PLEKHA5: variants seen among roughly 807,000 people sequenced by gnomAD.
PLEKHA5 encodes pleckstrin homology domain-containing family A member 5.
PLEKHA5 carries 55 observed loss-of-function variants against 181.9 expected under a neutral mutation model. The observed-to-expected ratio is 0.30, with a 90% CI of 0.24 to 0.38. The LOEUF is 0.38. PLEKHA5 is among the 10% of genes least tolerant of loss of function. PLEKHA5 has a pLI of 1.00. For synonymous variants in PLEKHA5, 535 were observed against 529.4 expected (o/e 1.01, Z -0.15); for missense variants, 1,432 against 1,549.5 (o/e 0.92, Z 1.27).
At chr12:19,300,954 G>A (rs1474985738) in intron 15 of PLEKHA5, among the ~76,000 whole-genome samples, 3 of 142,780 alleles carry the variant, frequency 2.1e-5, no homozygotes. Context: ...GACCAACATG[G>A]AGAAACCCCA....
intron 3 of PLEKHA5, among the ~76,000 whole-genome samples, chr12:19,177,662 G>A (rs2047636784): frequency 6.6e-6 from 1 of 152,164 alleles, no homozygotes; most frequent in African/African-American, 2.4e-5. Flanking sequence ...TTGACCTGGA[G>A]CCTGTTTGAA....
At chr12:19,209,472 T>C (rs1471620536) in intron 3 of PLEKHA5, among the ~76,000 whole-genome samples, 1 of 152,164 alleles carries the variant, frequency 6.6e-6, no homozygotes, top group Non-Finnish European at 1.5e-5. Context: ...ATTGATTCAG[T>C]ATACACAAAT....
chr12:19,159,233 A>G (rs1427749169), intron 3 of PLEKHA5, among the ~76,000 whole-genome samples: 2 of 152,194 alleles, frequency 1.3e-5, no homozygotes, highest in African/African-American at 4.8e-5. Flanking sequence ...TCCTAGAAGC[A>G]AACAGCTGTG....
In PLEKHA5 at chr12:19,254,034, A is replaced by T; in HGVS notation, c.311+11A>T. On this transcript the variant is annotated intron_variant, in intron 4 of 31. Transcript: ENST00000429027. ...TGTAGTGAATGAACAGTAAGTAAAG[A>T]GTTTCATGGAATGCCTGTATTCAAA... The T allele has an allele frequency of 1.3e-6, 2 of 1,482,198 alleles. No homozygotes were observed. The highest frequency in any genetic ancestry group is 1.9e-6 in the Non-Finnish European group (2 of 1,073,262). The allele number at this position is 1,482,198 out of a possible 1,614,324, so 91.8% of individuals were successfully genotyped here. A position where few individuals can be genotyped will look rare whatever the true frequency, so the allele number is the denominator to read the frequency against.
At chr12:19,226,362 T>C (rs752870102) in intron 3 of PLEKHA5, among the ~76,000 whole-genome samples, 36 of 152,328 alleles carry the variant, frequency 2.4e-4, no homozygotes, top group Middle Eastern at 6.8e-3. Flanking sequence ...GTGGGTTCTT[T>C]CCACCTTTTG....
chr12:19,264,690 A>T (rs1355042861), intron 7 of PLEKHA5, among the ~76,000 whole-genome samples: 1 of 152,162 alleles, frequency 6.6e-6, no homozygotes. Context: ...GCCTCCATTT[A>T]ATGTAACTTT....
intron 15 of PLEKHA5, among the ~76,000 whole-genome samples, chr12:19,304,287 C>G (rs927132817): frequency 6.6e-6 from 1 of 152,136 alleles, no homozygotes; most frequent in Non-Finnish European, 1.5e-5. Flanking sequence ...CACCTGTAAT[C>G]CCAGCTACTC....
chr12:19,144,377 T>C (rs1263347126), intron 3 of PLEKHA5, among the ~76,000 whole-genome samples: 1 of 152,206 alleles, frequency 6.6e-6, no homozygotes, highest in East Asian at 1.9e-4. Context: ...GCGTCTCTCC[T>C]CGTGGCCTCT....
At chr12:19,223,280 C>A (rs945642454) in intron 3 of PLEKHA5, among the ~76,000 whole-genome samples, 2 of 152,010 alleles carry the variant, frequency 1.3e-5, no homozygotes, top group African/African-American at 4.8e-5. Flanking sequence ...ATCATAAAAT[C>A]CATCAGATAT....
intron 15 of PLEKHA5, among the ~76,000 whole-genome samples, chr12:19,312,881 A>T (rs979568700): frequency 6.6e-6 from 1 of 152,158 alleles, no homozygotes; most frequent in African/African-American, 2.4e-5. Flanking sequence ...TGCCTTCCTC[A>T]CTAACCTTAA....
chr12:19,281,811 T>C (rs746439500), intron 11 of PLEKHA5, among the ~76,000 whole-genome samples: 1 of 151,918 alleles, frequency 6.6e-6, no homozygotes, highest in Admixed American at 6.6e-5. Flanking sequence ...AGATGGAGTC[T>C]CACTCTGTCG....
intron 30 of PLEKHA5, among the ~76,000 whole-genome samples, chr12:19,367,614 C>G (rs1317203743): frequency 6.6e-6 from 1 of 151,532 alleles, no homozygotes; most frequent in Non-Finnish European, 1.5e-5. Context: ...GAGTCTTGCT[C>G]TGTTGCCCAG....
intron 8 of PLEKHA5, among the ~76,000 whole-genome samples, chr12:19,267,389 G>T (rs568333117): frequency 2.0e-5 from 3 of 152,294 alleles, no homozygotes; most frequent in African/African-American, 7.2e-5. Context: ...CGGGCACAGG[G>T]GCTCATGCCT....
chr12:19,369,974 C>G (rs1446731817), intron 31 of PLEKHA5, among the ~76,000 whole-genome samples, 176 bp downstream of exon 31: 1 of 152,222 alleles, frequency 6.6e-6, no homozygotes, highest in Non-Finnish European at 1.5e-5. Flanking sequence ...ACATTGGCTC[C>G]TCTGATGATT....
chr12:19,277,217 T>C (rs928318061), intron 11 of PLEKHA5, among the ~76,000 whole-genome samples: 3 of 152,138 alleles, frequency 2.0e-5, no homozygotes, highest in Non-Finnish European at 4.4e-5. Context: ...AGAAAAATTA[T>C]AAAAATCCAA....
At chr12:19,183,082 A>G (rs75565679) in intron 3 of PLEKHA5, among the ~76,000 whole-genome samples, 2,651 of 152,324 alleles carry the variant, frequency 0.017, 90 homozygotes, top group African/African-American at 0.06. Context: ...ACACCAAAAC[A>G]TGGTTAACTT....
At chr12:19,136,628 G>A (rs1045276624) in intron 3 of PLEKHA5, among the ~76,000 whole-genome samples, 3 of 152,146 alleles carry the variant, frequency 2.0e-5, no homozygotes, top group Non-Finnish European at 4.4e-5. Context: ...AACTTAGAGT[G>A]CCAAGTAAAT....
chr12:19,235,926 G>A (rs961653890), intron 3 of PLEKHA5, among the ~76,000 whole-genome samples: 6 of 152,084 alleles, frequency 3.9e-5, no homozygotes, highest in Admixed American at 6.6e-5. Flanking sequence ...CTTTTTGGAG[G>A]ATAGTGTGTG....
intron 3 of PLEKHA5, among the ~76,000 whole-genome samples, chr12:19,171,993 G>A (rs894525255): frequency 2.0e-5 from 3 of 152,038 alleles, no homozygotes; most frequent in East Asian, 1.9e-4. Flanking sequence ...CCTTGCTTCC[G>A]GAATACCTCC....
Sources: allele counts gnomAD v4.1 joint callset (sites outside exome capture counted in the v4.1 genomes callset), GRCh38; gene constraint gnomAD v4.1.1; transcripts MANE v1.5; gene names NCBI Gene and HGNC (gene_info 2026-07-23, HGNC 2026-07-21).